GPSM2: variants seen among roughly 807,000 people sequenced by gnomAD.
GPSM2 encodes the protein G protein signaling modulator 2, also known as G protein-signaling modulator 2.
Under a neutral mutation model 78.4 loss-of-function variants are expected in GPSM2, and 58 were observed. The observed-to-expected ratio is 0.74, with a 90% confidence interval of 0.60 to 0.92. The LOEUF is 0.92. Among genes scored for constraint, GPSM2 ranks in the 40% least tolerant of loss-of-function variants. The probability of loss-of-function intolerance (pLI) is 0.00; values close to 1 mark genes in which losing one functional copy is unlikely to be tolerated. For synonymous variants in GPSM2, 224 were observed against 280.2 expected (o/e 0.80, Z 2.00); for missense variants, 700 against 815.5 (o/e 0.86, Z 1.73).
At chr1:108,907,596 A>C (rs554169251) in intron 10 of GPSM2, among the ~76,000 whole-genome samples, 35 of 152,370 alleles carry the variant, frequency 2.3e-4, no homozygotes, top group African/African-American at 8.4e-4. Context: ...CAGAAGTAAC[A>C]AGGAAATGAA....
rs767840543 is a variant in GPSM2 at position 108,896,901 on chromosome 1, G to C, written c.94G>C (p.Glu32Gln). 20 of 1,614,054 alleles carry C rather than the reference G, an allele frequency of 1.2e-5. No individual in the cohort carries two copies. Among genetic ancestry groups the C allele is most frequent in the Non-Finnish European group, 1.6e-5 (19 of 1,180,002 alleles). ...ASCLELALEG[E>Q]RLCKSGDCRA... The stretch of plus-strand genomic sequence containing the variant: ...TTGCCTAGAGCTGGCCTTGGAAGGG[G>C]AACGTCTATGTAAATCAGGAGACTG... Residue 32 changes from glutamate to glutamine, a missense_variant, in exon 3 of 15, where the codon GAA (glutamate) becomes CAA (glutamine). Coordinates refer to ENST00000264126, the MANE Select transcript of GPSM2 (RefSeq NM_013296.5).
intron 7 of GPSM2, 101 bp from the exon 8 acceptor site, chr1:108,901,689 C>T: frequency 2.3e-6 from 2 of 868,388 alleles, no homozygotes; most frequent in Admixed American, 1.7e-5. Context: ...GATTTAAAGA[C>T]AGCAGAAAGC....
rs1649053579 is a variant in GPSM2 at position 108,904,217 on chromosome 1, A to G, written c.1155A>G (p.Ile385Met). ...TGAGCTACAGCACAAATAACTCCATAATGTCTGAAAATACTGAAATTGATA... is the reference window on the plus strand; with the variant it reads ...TGAGCTACAGCACAAATAACTCCATGATGTCTGAAAATACTGAAATTGATA... ...LGLSYSTNNS[I>M]MSENTEIDSS... Residue 385 changes from isoleucine to methionine, a missense_variant, in exon 10 of 15, where the codon ATA (isoleucine) becomes ATG (methionine). By Grantham distance (10) the Ile-to-Met change is conservative (BLOSUM62 1). Transcript: ENST00000264126. The G allele has an allele frequency of 1.2e-6, 2 of 1,600,658 alleles. No individual in the cohort carries two copies. Among genetic ancestry groups the G allele is most frequent in the South Asian group, 2.2e-5 (2 of 90,762 alleles).
chr1:108,906,199 A>T (rs114508994), intron 10 of GPSM2, among the ~76,000 whole-genome samples: 3,737 of 152,142 alleles, frequency 0.025, 157 homozygotes, highest in African/African-American at 0.085. Context: ...AGGCCAAAAA[A>T]CTAGGGGTCA....
intron 2 of GPSM2, among the ~76,000 whole-genome samples, chr1:108,893,699 G>C (rs980682770): frequency 5.9e-5 from 9 of 152,090 alleles, no homozygotes; most frequent in Admixed American, 4.6e-4. Context: ...ATTGGTTTCA[G>C]TTTTTGACAA....
chr1:108,891,664 A>ATTTT (rs58295802), intron 2 of GPSM2, among the ~76,000 whole-genome samples: 10,462 of 116,718 alleles, frequency 0.09, 480 homozygotes, highest in African/African-American at 0.11. Context: ...CAGCCAGCTA[A>ATTTT]TTTTTTTTTT....
At position 108,931,446 on chromosome 1, in the gene GPSM2, G is replaced by A; in HGVS notation, c.*1506G>A. On this transcript the variant is annotated 3_prime_UTR_variant, in exon 15 of 15. Coordinates refer to ENST00000264126, the MANE Select transcript of GPSM2 (RefSeq NM_013296.5). ...CAAAGGCCCACGCTTGGAACAAGTT[G>A]CCAACTTGTTTCACTCTGCTTGCTT... The A allele has an allele frequency of 6.4e-7, 1 of 1,550,906 alleles. No individual in the cohort carries two copies. Among genetic ancestry groups the A allele is most frequent in the Non-Finnish European group, 8.7e-7 (1 of 1,147,072 alleles).
chr1:108,883,153 T>C (rs1487362946), intron 1 of GPSM2, among the ~76,000 whole-genome samples: 2 of 152,230 alleles, frequency 1.3e-5, no homozygotes, highest in Non-Finnish European at 2.9e-5. Flanking sequence ...TTTGTGTTTC[T>C]TGCAGGCTAA....
At chr1:108,896,021 A>T (rs1196880964) in intron 2 of GPSM2, among the ~76,000 whole-genome samples, 1 of 152,224 alleles carries the variant, frequency 6.6e-6, no homozygotes, top group Non-Finnish European at 1.5e-5. Context: ...AATTAAACGA[A>T]TAGGTAGTTC....
intron 10 of GPSM2, among the ~76,000 whole-genome samples, chr1:108,910,862 CA>C (rs59356856): frequency 7.9e-4 from 95 of 120,692 alleles, no homozygotes; most frequent in Admixed American, 1.0e-3. Flanking sequence ...GACTCCGTCT[CA>C]AAAAAAAAAA....
At chr1:108,918,860 G>A (rs754096833) in intron 12 of GPSM2, 71 bp downstream of exon 12, 27 of 928,212 alleles carry the variant, frequency 2.9e-5, no homozygotes, top group Non-Finnish European at 4.8e-5. Context: ...TATTCATGCT[G>A]AATTTTTAGT....
chr1:108,902,851 C>T (rs1339094249), intron 8 of GPSM2, among the ~76,000 whole-genome samples: 1 of 152,080 alleles, frequency 6.6e-6, no homozygotes, highest in Non-Finnish European at 1.5e-5. Context: ...GAATACCTAT[C>T]CTTGAGATTT....
chr1:108,912,672 TC>T (rs1416996577), intron 10 of GPSM2, among the ~76,000 whole-genome samples: 5 of 149,678 alleles, frequency 3.3e-5, no homozygotes, highest in African/African-American at 1.2e-4. Flanking sequence ...GCCCAAGAGG[TC>T]ACCTAAGCTG....
intron 1 of GPSM2, among the ~76,000 whole-genome samples, chr1:108,882,962 G>A (rs553753751): frequency 7.3e-4 from 111 of 152,218 alleles, no homozygotes; most frequent in Middle Eastern, 6.8e-3. Flanking sequence ...CAGCTACTTG[G>A]GAGGTTGAAG....
chr1:108,908,332 C>G (rs962288705), intron 10 of GPSM2, among the ~76,000 whole-genome samples: 2 of 150,114 alleles, frequency 1.3e-5, no homozygotes, highest in Admixed American at 6.6e-5. Context: ...GATTGCTCCA[C>G]TGCACTCCAG....
intron 7 of GPSM2, 57 bp from the exon 8 acceptor site, chr1:108,901,733 A>G: frequency 7.4e-7 from 1 of 1,352,424 alleles, no homozygotes; most frequent in Non-Finnish European, 1.1e-6. Context: ...TTGTTTTGTG[A>G]TTCTTAAAGC....
intron 10 of GPSM2, among the ~76,000 whole-genome samples, chr1:108,913,583 AAT>A (rs1471854621): frequency 6.6e-6 from 1 of 152,256 alleles, no homozygotes; most frequent in Non-Finnish European, 1.5e-5. Flanking sequence ...TTTCAAAAGC[AAT>A]ATAGCACATG....
intron 2 of GPSM2, among the ~76,000 whole-genome samples, chr1:108,895,597 C>G (rs1287500895): frequency 6.6e-6 from 1 of 151,974 alleles, no homozygotes; most frequent in African/African-American, 2.4e-5. Context: ...ACTGCACATT[C>G]GAGGGATCCA....
chr1:108,927,560 A>G (rs927740356), intron 14 of GPSM2, among the ~76,000 whole-genome samples: 9 of 152,200 alleles, frequency 5.9e-5, no homozygotes, highest in Admixed American at 2.6e-4. Context: ...TTTTATCAAC[A>G]AATGGTTCTG....
Sources: gnomAD v4.1 joint callset for allele counts (sites outside exome capture counted in the v4.1 genomes callset) on GRCh38, gnomAD v4.1.1 for gene constraint, MANE v1.5 for transcripts, NCBI Gene and HGNC (gene_info 2026-07-23, HGNC 2026-07-21) for gene names.